CLMN: variants seen among roughly 807,000 people sequenced by gnomAD.
CLMN encodes the protein calmin (calponin-like, transmembrane).
Under a neutral mutation model 92.7 loss-of-function variants are expected in CLMN, and 57 were observed. That is an observed-to-expected ratio of 0.61 (90% CI 0.50 to 0.77). CLMN has a LOEUF of 0.77. Among genes scored for constraint, CLMN ranks in the 30% least tolerant of loss-of-function variants. The pLI is 0.00. For synonymous variants in CLMN, 466 were observed against 470.6 expected (o/e 0.99, Z 0.13); for missense variants, 1,158 against 1,237.5 (o/e 0.94, Z 0.96).
rs1216916912 is a variant in CLMN, at chr14:95,185,847, A to T, written c.*5717T>A. On this transcript the variant is annotated 3_prime_UTR_variant, in exon 13 of 13. Coordinates refer to ENST00000298912, the MANE Select transcript of CLMN (RefSeq NM_024734.4). ...TGGAGAGTTAAGAAAATCGGAGCTC[A>T]TGTGAAAGCATTCTTGTCATACAAC... 1.3e-5 allele frequency: 2 copies of T among 152,230 alleles called. No homozygotes were observed. The highest frequency in any genetic ancestry group is 2.9e-5 in the Non-Finnish European group (2 of 68,042). 9.4% of individuals were successfully genotyped at this position (152,230 alleles called of 1,614,324 possible).
chr14:95,201,636 A>G (rs913260392), intron 9 of CLMN, among the ~76,000 whole-genome samples: 17 of 150,752 alleles, frequency 1.1e-4, no homozygotes, highest in African/African-American at 4.2e-4. Context: ...TGTTACATAG[A>G]AATACAAGTG....
chr14:95,218,086 T>G (rs892494240), intron 4 of CLMN, among the ~76,000 whole-genome samples: 3 of 152,206 alleles, frequency 2.0e-5, no homozygotes, highest in African/African-American at 7.2e-5. Flanking sequence ...CTCTTGTTCC[T>G]CCTAACTCAG....
At chr14:95,241,306 C>T (rs1213306846) in intron 1 of CLMN, among the ~76,000 whole-genome samples, 1 of 152,016 alleles carries the variant, frequency 6.6e-6, no homozygotes, top group Non-Finnish European at 1.5e-5. Context: ...GGGGCTCAAA[C>T]TGGGAAAGTC....
intron 1 of CLMN, among the ~76,000 whole-genome samples, chr14:95,234,467 C>T (rs1018578079): frequency 6.6e-6 from 1 of 152,164 alleles, no homozygotes; most frequent in African/African-American, 2.4e-5. Flanking sequence ...CCCTTTTTTC[C>T]TATCACATTG....
At chr14:95,239,719 C>A (rs987012323) in intron 1 of CLMN, among the ~76,000 whole-genome samples, 4 of 152,168 alleles carry the variant, frequency 2.6e-5, no homozygotes, top group African/African-American at 9.7e-5. Context: ...CTCTGATAAG[C>A]CCTGCAATGA....
intron 1 of CLMN, among the ~76,000 whole-genome samples, chr14:95,307,021 G>A (rs1037259087): frequency 3.9e-5 from 6 of 152,186 alleles, no homozygotes; most frequent in Non-Finnish European, 7.4e-5. Context: ...AAAGGGGCTG[G>A]GGTCTCACTG....
intron 4 of CLMN, 39 bp from the exon 5 acceptor site, chr14:95,215,772 C>T (rs948749500): frequency 1.4e-6 from 2 of 1,450,082 alleles, no homozygotes; most frequent in Non-Finnish European, 1.9e-6. Flanking sequence ...GCGAGGTGTC[C>T]AGGGAGGATA....
chr14:95,313,700 C>G (rs1285764997), intron 1 of CLMN, among the ~76,000 whole-genome samples: 2 of 150,750 alleles, frequency 1.3e-5, no homozygotes, highest in Non-Finnish European at 2.9e-5. Flanking sequence ...TCTATGGGAA[C>G]AGGGAGTTCA....
At chr14:95,219,255 C>G (rs1566874717) in intron 4 of CLMN, among the ~76,000 whole-genome samples, 1 of 152,212 alleles carries the variant, frequency 6.6e-6, no homozygotes, top group South Asian at 2.1e-4. Context: ...ACAGCAGACT[C>G]ATAAACGTGG....
At chr14:95,215,298 G>A (rs1180070127) in intron 5 of CLMN, among the ~76,000 whole-genome samples, 1 of 152,176 alleles carries the variant, frequency 6.6e-6, no homozygotes, top group Non-Finnish European at 1.5e-5. Context: ...AACACTGAGT[G>A]ATTTCAGGAA....
At chr14:95,297,925 T>C (rs1900879594) in intron 1 of CLMN, among the ~76,000 whole-genome samples, 1 of 152,014 alleles carries the variant, frequency 6.6e-6, no homozygotes. Flanking sequence ...CCTTGGCAAA[T>C]ACCTTAGAGG....
At chr14:95,273,585 C>T (rs1899800043) in intron 1 of CLMN, among the ~76,000 whole-genome samples, 1 of 152,184 alleles carries the variant, frequency 6.6e-6, no homozygotes, top group South Asian at 2.1e-4. Context: ...CTCATCAGTG[C>T]TTGTGATGGT....
Position 95,223,818 on chromosome 14 carries a change from T to A in CLMN, c.182A>T (p.Asp61Val). Residue 61 changes from aspartate to valine, a missense_variant, in exon 3 of 13, where the codon GAT becomes GTT. Transcript: ENST00000298912. ...CATTAGGATTTTGCCATCTTGTATA[T>A]CGACGAATAAATCTTTAACTTCTAG... ...PPLEVKDLFV[D>V]IQDGKILMAL... The A allele has an allele frequency of 6.2e-7, 1 of 1,613,806 alleles. No homozygotes were observed.
chr14:95,263,741 C>T (rs180860885), intron 1 of CLMN, among the ~76,000 whole-genome samples: 3 of 152,320 alleles, frequency 2.0e-5, no homozygotes, highest in Non-Finnish European at 2.9e-5. Flanking sequence ...AAGGAAACCT[C>T]GGATACATTT....
chr14:95,276,957 T>TTTTG (rs1555393528), intron 1 of CLMN, among the ~76,000 whole-genome samples: 7 of 151,008 alleles, frequency 4.6e-5, no homozygotes, highest in Admixed American at 6.6e-5. Flanking sequence ...TTTTTTTTTT[T>TTTTG]GGGTAACATG....
rs1284706593 is a variant in CLMN at position 95,197,394 on chromosome 14, G to A, written c.2512-700C>T. Among the ~76,000 whole-genome samples, 24 of 148,854 alleles carry A rather than the reference G, an allele frequency of 1.6e-4. 1 individual carries two copies. The highest frequency in any genetic ancestry group is 1.0e-3 in the Admixed American group (15 of 14,950). On this transcript the variant is annotated intron_variant, in intron 9 of 12. Coordinates refer to ENST00000298912, the MANE Select transcript of CLMN (RefSeq NM_024734.4). ...GAAGGAAGGAAGATAGAGAGAGAAA[G>A]AAAAAAGAAAAAAAGAAAGAAAGAA...
intron 1 of CLMN, among the ~76,000 whole-genome samples, chr14:95,297,310 C>T (rs1900847491): frequency 6.6e-6 from 1 of 152,204 alleles, no homozygotes; most frequent in Admixed American, 6.5e-5. Flanking sequence ...CATTAAAAAA[C>T]TGTGATAAGG....
intron 1 of CLMN, among the ~76,000 whole-genome samples, chr14:95,281,806 T>C (rs923997796): frequency 6.6e-6 from 1 of 152,204 alleles, no homozygotes; most frequent in Non-Finnish European, 1.5e-5. Flanking sequence ...ACTCAACGTT[T>C]TCTTAAACAC....
intron 1 of CLMN, among the ~76,000 whole-genome samples, chr14:95,266,776 A>G (rs1203865069): frequency 6.6e-6 from 1 of 152,188 alleles, no homozygotes; most frequent in Non-Finnish European, 1.5e-5. Flanking sequence ...GCATCACACT[A>G]TCTGACTTCA....
Sources: allele counts gnomAD v4.1 joint callset (sites outside exome capture counted in the v4.1 genomes callset), GRCh38; gene constraint gnomAD v4.1.1; transcripts MANE v1.5; gene names NCBI Gene and HGNC (gene_info 2026-07-23, HGNC 2026-07-21).